Variants in ZBED4 observed in about 807,000 individuals in gnomAD.
ZBED4 encodes the protein zinc finger BED domain-containing protein 4.
In ZBED4, 4 loss-of-function variants were observed where a neutral mutation model predicts 15.5. That is an observed-to-expected ratio of 0.26 (90% confidence interval 0.13 to 0.59). The LOEUF (loss-of-function observed/expected upper bound fraction) is 0.59, where lower values mean the gene tolerates loss of function less well. Ranked by LOEUF, ZBED4 falls within the 20% of genes least tolerant of loss-of-function variation. The pLI is 0.90. For missense variants in ZBED4, 1,323 were observed against 1,461.8 expected, an observed-to-expected ratio of 0.91 and a Z score of 1.55; for synonymous variants, 692 against 608.5, an observed-to-expected ratio of 1.14 and a Z score of -2.02.
At chr22:49,858,707 G>A (rs775023907) in intron 1 of ZBED4, among the ~76,000 whole-genome samples, 24 of 152,168 alleles carry the variant, frequency 1.6e-4, no homozygotes, top group Non-Finnish European at 3.2e-4. Flanking sequence ...TCGCGTCATC[G>A]ATGGCGTCTA....
chr22:49,879,208 T>TG (rs1369182991), intron 1 of ZBED4, among the ~76,000 whole-genome samples: 1 of 149,624 alleles, frequency 6.7e-6, no homozygotes. Context: ...CACTGTAACT[T>TG]GCGCCTCCCG....
rs949920938 is a variant in ZBED4 at position 49,888,198 on chromosome 22, G to A, written c.*1020G>A. ...TTTCAAATCCCAAGGACATCAGAGT[G>A]AAGTGTCAGTTGTCAGATGATTTTA... is the stretch of plus-strand genomic sequence containing the variant. On this transcript the variant is annotated 3_prime_UTR_variant, in exon 2 of 2. Transcript: ENST00000216268. The A allele has an allele frequency of 6.0e-6, 1 of 167,172 alleles. No homozygotes were observed. Among genetic ancestry groups the A allele is most frequent in the Non-Finnish European group, 1.5e-5 (1 of 68,128 alleles). 10.4% of individuals were successfully genotyped at this position (167,172 alleles called of 1,614,324 possible). A position where few individuals can be genotyped will look rare whatever the true frequency, so the allele number is the denominator to read the frequency against.
chr22:49,860,799 G>C (rs1471968127), intron 1 of ZBED4, among the ~76,000 whole-genome samples: 1 of 139,522 alleles, frequency 7.2e-6, no homozygotes, highest in African/African-American at 2.7e-5. Context: ...TTTTTTTTGA[G>C]ACAGAGTCTT....
chr22:49,867,150 G>GT lies in ZBED4; in HGVS notation c.-330+13166dup, dbSNP rs535113673. Among the ~76,000 whole-genome samples, 18 of 152,280 alleles carry GT rather than the reference G, an allele frequency of 1.2e-4. 1 individual carries two copies. The South Asian group carries it at 3.7e-3, about 32-fold the overall frequency. On this transcript the variant is annotated intron_variant, in intron 1 of 1. Transcript: ENST00000216268. Reference sequence around the variant, plus strand: ...CACTTTCCAGTTTACCTCACGGTTTGTTTTTCACCCGTGAGTTATTTAGAA... The same window carrying GT: ...CACTTTCCAGTTTACCTCACGGTTTGTTTTTTCACCCGTGAGTTATTTAGAA...
At chr22:49,874,653 G>C (rs1479489712) in intron 1 of ZBED4, among the ~76,000 whole-genome samples, 1 of 125,072 alleles carries the variant, frequency 8.0e-6, no homozygotes, top group Non-Finnish European at 1.6e-5. Context: ...GATTACAGGC[G>C]TGAACCACCA....
At chr22:49,856,542 C>T (rs1168294547) in intron 1 of ZBED4, among the ~76,000 whole-genome samples, 1 of 152,220 alleles carries the variant, frequency 6.6e-6, no homozygotes, top group Non-Finnish European at 1.5e-5. Context: ...TCCTGCCCGG[C>T]CCAAGCGCCT....
chr22:49,890,059 A>C lies in ZBED4; in HGVS notation c.*2881A>C, dbSNP rs572281957. ...AAGTAAAAGATGATAAAAAAATAAA[A>C]ACTTTATTTCTTGGCTGGGCACAGT... On this transcript the variant is annotated 3_prime_UTR_variant, in exon 2 of 2. Coordinates refer to ENST00000216268, the MANE Select transcript of ZBED4 (RefSeq NM_014838.3). The C allele has an allele frequency of 1.3e-4, 22 of 165,812 alleles. No individual in the cohort carries two copies. Among genetic ancestry groups the C allele is most frequent in the African/African-American group, 4.8e-4 (20 of 41,564 alleles). The allele number at this position is 165,812 out of a possible 1,614,324, so 10.3% of individuals were successfully genotyped here.
chr22:49,862,380 G>A (rs974070443), intron 1 of ZBED4, among the ~76,000 whole-genome samples: 11 of 152,256 alleles, frequency 7.2e-5, no homozygotes, highest in African/African-American at 2.4e-4. Flanking sequence ...CTGGGACTAC[G>A]GGCGTAAGCC....
At chr22:49,869,782 C>G (rs946678977) in intron 1 of ZBED4, among the ~76,000 whole-genome samples, 3 of 152,192 alleles carry the variant, frequency 2.0e-5, no homozygotes, top group Non-Finnish European at 2.9e-5. Flanking sequence ...GTGTCCTCCA[C>G]TCACTTTTTA....
chr22:49,883,047 G>C (rs2236139), intron 1 of ZBED4, among the ~76,000 whole-genome samples: 89,035 of 152,158 alleles, frequency 0.59, 32,021 homozygotes, highest in Non-Finnish European at 0.79. Context: ...ATAAATTCTA[G>C]ATGAGGCAAC....
chr22:49,862,960 C>T (rs1015794861), intron 1 of ZBED4, among the ~76,000 whole-genome samples: 5 of 152,074 alleles, frequency 3.3e-5, no homozygotes, highest in African/African-American at 1.2e-4. Context: ...CCTCAGCCTC[C>T]CAAAATGCTG....
intron 1 of ZBED4, among the ~76,000 whole-genome samples, chr22:49,867,204 T>C (rs1453028485): frequency 6.6e-6 from 1 of 152,240 alleles, no homozygotes; most frequent in African/African-American, 2.4e-5. Flanking sequence ...TAATTGCTTA[T>C]TTCCCAGATT....
rs775597085 is a variant in ZBED4 at position 49,886,095 on chromosome 22, C to T, written c.2433C>T (p.Ala811=). Reference sequence around the variant, plus strand: ...TGGGCATCACCGTCACCGACAACGCCAGCATCGGGAAGACGCTGAACGAGG... The same window carrying T: ...TGGGCATCACCGTCACCGACAACGCTAGCATCGGGAAGACGCTGAACGAGG... The part of the protein sequence containing the change: ...LQVGITVTDN[A]SIGKTLNEGE... Residue 811 remains alanine, a synonymous_variant, in exon 2 of 2, where the codon GCC becomes GCT. Transcript: ENST00000216268. The surrounding 1 kb of genome is among the most constrained non-coding windows in gnomAD (Gnocchi z 7.7). 4.4e-6 allele frequency: 3 copies of T among 680,836 alleles called. No individual in the cohort carries two copies. The highest frequency in any genetic ancestry group is 8.1e-6 in the Non-Finnish European group (3 of 370,144). The allele number at this position is 680,836 out of a possible 1,614,324, so 42.2% of individuals were successfully genotyped here. A position where few individuals can be genotyped will look rare whatever the true frequency, so the allele number is the denominator to read the frequency against.
chr22:49,858,436 A>T (rs2060283778), intron 1 of ZBED4, among the ~76,000 whole-genome samples: 1 of 152,102 alleles, frequency 6.6e-6, no homozygotes, highest in African/African-American at 2.4e-5. Context: ...CCCTGGGTAT[A>T]CTCGACAGCT....
chr22:49,884,313 G>A lies in ZBED4; in HGVS notation c.651G>A (p.Pro217=), dbSNP rs143662638. The A allele has an allele frequency of 2.9e-5, 46 of 1,613,620 alleles. No homozygotes were observed. The highest frequency in any genetic ancestry group is 1.2e-4 in the African/African-American group (9 of 74,928). Residue 217 remains proline (P), a synonymous_variant, in exon 2 of 2, where the codon CCG becomes CCA. Coordinates refer to ENST00000216268, the MANE Select transcript of ZBED4 (RefSeq NM_014838.3). ...KLVQKVASKI[P]SPDRITEESV... is the part of the protein sequence containing the mutation. Reference sequence around the variant, plus strand: ...TCCAGAAAGTGGCGTCTAAGATCCCGTCCCCCGATCGAATAACAGAGGAGT... The same window carrying A: ...TCCAGAAAGTGGCGTCTAAGATCCCATCCCCCGATCGAATAACAGAGGAGT...
chr22:49,887,256 T>G lies in ZBED4; in HGVS notation c.*78T>G. 6.9e-7 allele frequency: 1 copy of G among 1,452,802 alleles called. No homozygotes were observed. Among genetic ancestry groups the G allele is most frequent in the African/African-American group, 1.4e-5 (1 of 70,244 alleles). The allele number at this position is 1,452,802 out of a possible 1,614,324, so 90.0% of individuals were successfully genotyped here. ...CCTGTACCAGGTCTATGACCCGCTC[T>G]GCCCACGGCTGTGTACGACATCAGA... On this transcript the variant is annotated 3_prime_UTR_variant, in exon 2 of 2. Coordinates refer to ENST00000216268, the MANE Select transcript of ZBED4 (RefSeq NM_014838.3).
At chr22:49,878,368 G>A (rs952312618) in intron 1 of ZBED4, among the ~76,000 whole-genome samples, 2 of 151,070 alleles carry the variant, frequency 1.3e-5, no homozygotes, top group African/African-American at 4.8e-5. Flanking sequence ...ATAATAACTG[G>A]GAGTGGAACA....
rs142636340 is a variant in ZBED4, at chr22:49,863,730, T to C, written c.-330+9741T>C. 3.1e-3 allele frequency among the ~76,000 whole-genome samples: 474 copies of C among 152,306 alleles called. 3 individuals are homozygous for C. Among genetic ancestry groups the C allele is most frequent in the African/African-American group, 0.011 (454 of 41,526 alleles). ...TCTTCTTATCCACTCTCTGGTGTTA[T>C]AGTTCATGGAGAAAACTGAAGATAA... On this transcript the variant is annotated intron_variant, in intron 1 of 1. Coordinates refer to ENST00000216268, the MANE Select transcript of ZBED4 (RefSeq NM_014838.3).
Position 49,885,755 on chromosome 22 carries a change from C to A in ZBED4, c.2093C>A (p.Ser698Tyr). Residue 698 changes from serine to tyrosine, a missense_variant, in exon 2 of 2, where the codon TCC becomes TAC. Ser to Tyr is a moderately radical substitution (Grantham distance 144). Transcript: ENST00000216268. ...LKPQYSLPAPSYFSRTAIPGM... is the reference protein window; with the variant it reads ...LKPQYSLPAPYYFSRTAIPGM... Reference sequence around the variant, plus strand: ...CCTCAGTACTCCCTCCCCGCCCCTTCCTACTTCTCCAGGACAGCTATCCCA... The same window carrying A: ...CCTCAGTACTCCCTCCCCGCCCCTTACTACTTCTCCAGGACAGCTATCCCA... The A allele has an allele frequency of 6.2e-7, 1 of 1,603,828 alleles. No individual in the cohort carries two copies. Among genetic ancestry groups the A allele is most frequent in the Non-Finnish European group, 8.5e-7 (1 of 1,172,990 alleles).
Sources: gnomAD v4.1 joint callset for allele counts (sites outside exome capture counted in the v4.1 genomes callset) on GRCh38, gnomAD v4.1.1 for gene constraint, Gnocchi (gnomAD v3.1) non-coding constraint, MANE v1.5 for transcripts, NCBI Gene and HGNC (gene_info 2026-07-23, HGNC 2026-07-21) for gene names.